DHTKD1: variants seen among roughly 807,000 people sequenced by gnomAD.
DHTKD1 encodes the protein dehydrogenase E1 and transketolase domain containing 1.
In DHTKD1, 78 loss-of-function variants were observed where a neutral mutation model predicts 101.8. The ratio of observed to expected loss-of-function variants is 0.77; its 90% confidence interval spans 0.64 to 0.93. The LOEUF (loss-of-function observed/expected upper bound fraction) is 0.93. Among genes scored for constraint, DHTKD1 ranks in the 40% least tolerant of loss-of-function variants. The probability of loss-of-function intolerance (pLI) is 0.00; values close to 1 mark genes in which losing one functional copy is unlikely to be tolerated. For missense variants in DHTKD1, 1,223 were observed against 1,161.7 expected (o/e 1.05, Z -0.77); for synonymous variants, 462 against 450.3 (o/e 1.03, Z -0.33).
rs557076795 is a variant in DHTKD1 at position 12,120,654 on chromosome 10, G to A, written c.2659-133G>A. 8.0e-4 allele frequency: 633 copies of A among 789,416 alleles called. 5 individuals are homozygous for A. In the South Asian group the frequency reaches 8.8e-3, roughly 11 times the overall value. 48.9% of individuals were successfully genotyped at this position (789,416 alleles called of 1,614,324 possible). A position where few individuals can be genotyped will look rare whatever the true frequency, so the allele number is the denominator to read the frequency against. ...GCCCTGTCCCTCTAATCTCTTCTGCGTAACTCATTATTTGAAAGAGGTGAT... is the reference window on the plus strand; with the variant it reads ...GCCCTGTCCCTCTAATCTCTTCTGCATAACTCATTATTTGAAAGAGGTGAT... On this transcript the variant is annotated intron_variant, in intron 16 of 16. Transcript: ENST00000263035.
In DHTKD1 at chr10:12,108,031, T is replaced by TC; in HGVS notation, c.2154+18dup. The TC allele has an allele frequency of 6.3e-7, 1 of 1,587,966 alleles. No individual in the cohort carries two copies. The highest frequency in any genetic ancestry group is 8.6e-7 in the Non-Finnish European group (1 of 1,156,902). On this transcript the variant is annotated intron_variant, in intron 12 of 16. Coordinates refer to ENST00000263035, the MANE Select transcript of DHTKD1 (RefSeq NM_018706.7). ...TTTCCTGCAGGTAAGGGTAACGTCTTCCGGAGTCAATGAATCATTTTCCTG... is the reference window on the plus strand; with the variant it reads ...TTTCCTGCAGGTAAGGGTAACGTCTTCCCGGAGTCAATGAATCATTTTCCTG...
intron 12 of DHTKD1, among the ~76,000 whole-genome samples, chr10:12,112,648 T>A (rs187954968): frequency 5.9e-5 from 9 of 152,316 alleles, no homozygotes; most frequent in Non-Finnish European, 1.2e-4. Context: ...TTATCTTTGC[T>A]ATCAGCCGTG....
chr10:12,120,472 T>TA (rs1564400905), intron 16 of DHTKD1: 1 of 526,038 alleles, frequency 1.9e-6, no homozygotes, highest in East Asian at 3.5e-5. Context: ...TAGCTGGGAC[T>TA]ACAGGCGCCC....
chr10:12,104,134 G>A (rs1229023337), intron 10 of DHTKD1, among the ~76,000 whole-genome samples: 1 of 152,054 alleles, frequency 6.6e-6, no homozygotes, highest in Non-Finnish European at 1.5e-5. Flanking sequence ...TCTTTGACTT[G>A]GCATCATGCT....
At chr10:12,094,931 G>A (rs751528006) in intron 7 of DHTKD1, among the ~76,000 whole-genome samples, 1 of 152,134 alleles carries the variant, frequency 6.6e-6, no homozygotes, top group Non-Finnish European at 1.5e-5. Context: ...ATGAGCCACC[G>A]TGCCTGGCCT....
chr10:12,113,081 GA>G lies in DHTKD1; in HGVS notation c.2319+19del. 3 of 1,572,894 alleles carry G rather than the reference GA, an allele frequency of 1.9e-6. No homozygotes were observed. The highest frequency in any genetic ancestry group is 2.6e-6 in the Non-Finnish European group (3 of 1,159,388). On this transcript the variant is annotated intron_variant, in intron 13 of 16. Transcript: ENST00000263035. ...AGGCTCCCGGTAAGCAGAAGGTGGT[GA>G]ATAAGCCTTCCTCCTTTTGTCATTT...
chr10:12,106,454 G>A lies in DHTKD1; in HGVS notation c.2047+58G>A, dbSNP rs113727567. The stretch of plus-strand genomic sequence containing the variant: ...GGGGTCCCTGCGTGGCCCCAGCCTC[G>A]TGGGGACAAATGAATGAAAAGGGGC... On this transcript the variant is annotated intron_variant, in intron 11 of 16. Transcript: ENST00000263035. 31 of 1,599,064 alleles carry A rather than the reference G, an allele frequency of 1.9e-5. 2 individuals are homozygous for A. The highest frequency in any genetic ancestry group is 1.9e-4 in the African/African-American group (14 of 74,602).
rs1283293811 is a variant in DHTKD1, at chr10:12,107,600, T to C, written c.2048-309T>C. 6.6e-6 allele frequency among the ~76,000 whole-genome samples: 1 copy of C among 151,894 alleles called. No homozygotes were observed. The highest frequency in any genetic ancestry group is 1.5e-5 in the Non-Finnish European group (1 of 67,978). ...AGCTGGCTAATTTTTGTATTTTTAG[T>C]AGAGACGGGGTTTCACCATGTTGGC... On this transcript the variant is annotated intron_variant, in intron 11 of 16. Coordinates refer to ENST00000263035, the MANE Select transcript of DHTKD1 (RefSeq NM_018706.7). This position sits in a 1 kb window ranked among gnomAD's most constrained non-coding sequence, Gnocchi z 4.1.
chr10:12,081,680 T>C (rs1832821915), intron 2 of DHTKD1, 53 bp downstream of exon 2: 12 of 1,603,342 alleles, frequency 7.5e-6, no homozygotes, highest in South Asian at 1.1e-5. Flanking sequence ...CAGGCCAGGC[T>C]CCTGCCTCTG....
At position 12,103,462 on chromosome 10, in the gene DHTKD1, T is replaced by C. The variant is rs1409098975; in HGVS notation, c.1896+2281T>C. Reference sequence around the variant, plus strand: ...AGTGAATAGGTCCTTGGGGTGTGTTTTTCCCCCAACTTCGTTGTACATCTC... The same window carrying C: ...AGTGAATAGGTCCTTGGGGTGTGTTCTTCCCCCAACTTCGTTGTACATCTC... On this transcript the variant is annotated intron_variant, in intron 10 of 16. Coordinates refer to ENST00000263035, the MANE Select transcript of DHTKD1 (RefSeq NM_018706.7). This position sits in a 1 kb window ranked among gnomAD's most constrained non-coding sequence, Gnocchi z 4.8. 6.6e-6 allele frequency among the ~76,000 whole-genome samples: 1 copy of C among 151,618 alleles called. No homozygotes were observed. Among genetic ancestry groups the C allele is most frequent in the East Asian group, 1.9e-4 (1 of 5,156 alleles).
intron 16 of DHTKD1, 66 bp from the exon 17 acceptor site, chr10:12,120,721 T>G (rs1833513854): frequency 1.5e-6 from 2 of 1,347,748 alleles, no homozygotes; most frequent in Non-Finnish European, 2.1e-6. Flanking sequence ...CACTGTCTTG[T>G]TGGAACTAAG....
At chr10:12,083,740 A>G (rs766236303) in intron 2 of DHTKD1, among the ~76,000 whole-genome samples, 2 of 152,120 alleles carry the variant, frequency 1.3e-5, no homozygotes, top group Admixed American at 6.6e-5. Context: ...CATCACACAC[A>G]CACATACAAA....
chr10:12,102,210 G>A (rs540338842), intron 10 of DHTKD1, among the ~76,000 whole-genome samples: 2 of 151,952 alleles, frequency 1.3e-5, no homozygotes, highest in East Asian at 3.9e-4. Flanking sequence ...CAGATCACAC[G>A]GTCAAGAGAT....
At chr10:12,081,441 G>A (rs764633390) in intron 1 of DHTKD1, 31 bp from the exon 2 acceptor site, 15 of 1,604,958 alleles carry the variant, frequency 9.3e-6, no homozygotes, top group Admixed American at 1.7e-5. Context: ...CTCCTAAACT[G>A]TTTGCATTTT....
In DHTKD1 at chr10:12,120,552, A is replaced by G. The variant is rs7100048; in HGVS notation, c.2659-235A>G. On this transcript the variant is annotated intron_variant, in intron 16 of 16. Coordinates refer to ENST00000263035, the MANE Select transcript of DHTKD1 (RefSeq NM_018706.7). ...GGGGTTTCACCATGTTAGCCAGGATAGTCTCAATCTCCTGACCTCGTGATC... is the reference window on the plus strand; with the variant it reads ...GGGGTTTCACCATGTTAGCCAGGATGGTCTCAATCTCCTGACCTCGTGATC... 0.75 allele frequency among the ~76,000 whole-genome samples: 114,458 copies of G among 151,604 alleles called. 43,572 individuals carry two copies. The highest frequency in any genetic ancestry group is 0.92 in the South Asian group (4,400 of 4,800).
At chr10:12,105,456 C>T (rs1198565750) in intron 10 of DHTKD1, among the ~76,000 whole-genome samples, 1 of 152,042 alleles carries the variant, frequency 6.6e-6, no homozygotes, top group Non-Finnish European at 1.5e-5. Flanking sequence ...GTTGGGACTA[C>T]AGGCATGTGC....
Position 12,113,051 on chromosome 10 carries a change from T to C in DHTKD1, c.2306T>C (p.Leu769Ser), listed in dbSNP as rs1833359835. ...KPLIVASPKM[L>S]LRLPAAVSTL... ...CTCATTGTTGCTTCCCCTAAGATGT[T>C]ACTCAGGCTCCCGGTAAGCAGAAGG... Residue 769 changes from leucine to serine, a missense_variant, in exon 13 of 17, where the codon TTA becomes TCA. Physicochemically the swap from Leu to Ser is moderately radical, Grantham distance 145. Transcript: ENST00000263035. 2 of 1,608,534 alleles carry C rather than the reference T, an allele frequency of 1.2e-6. No homozygotes were observed. The highest frequency in any genetic ancestry group is 1.3e-5 in the African/African-American group (1 of 74,682).
intron 6 of DHTKD1, among the ~76,000 whole-genome samples, chr10:12,093,164 C>T (rs1833017813): frequency 1.3e-5 from 2 of 152,002 alleles, no homozygotes. Flanking sequence ...CTGCCTCAGC[C>T]TCCCGAGTAG....
At chr10:12,073,695 A>G (rs76107694) in intron 1 of DHTKD1, among the ~76,000 whole-genome samples, 3,804 of 152,252 alleles carry the variant, frequency 0.025, 75 homozygotes, top group Middle Eastern at 0.044. Context: ...AGTCTGGCCC[A>G]GCTTGACTCA....
Sources: gnomAD v4.1 joint callset for allele counts (sites outside exome capture counted in the v4.1 genomes callset) on GRCh38, gnomAD v4.1.1 for gene constraint, Gnocchi (gnomAD v3.1) non-coding constraint, MANE v1.5 for transcripts, NCBI Gene and HGNC (gene_info 2026-07-23, HGNC 2026-07-21) for gene names.